Variants in CTNNBL1 observed in about 807,000 individuals in gnomAD.
CTNNBL1 encodes catenin beta like 1.
A neutral mutation model predicts 72.7 loss-of-function variants in CTNNBL1; 31 were observed. The observed-to-expected ratio is 0.43, with a 90% CI of 0.32 to 0.58. The LOEUF is 0.58. CTNNBL1 is among the 20% of genes least tolerant of loss of function. The probability of loss-of-function intolerance (pLI) is 0.08; values close to 1 mark genes in which losing one functional copy is unlikely to be tolerated. For missense variants in CTNNBL1, 534 were observed against 725.1 expected, an observed-to-expected ratio of 0.74 and a Z score of 3.03; for synonymous variants, 240 against 267.3, an observed-to-expected ratio of 0.90 and a Z score of 1.00.
chr20:37,858,577 G>A (rs563407369), intron 13 of CTNNBL1, among the ~76,000 whole-genome samples: 3 of 145,146 alleles, frequency 2.1e-5, no homozygotes, highest in Non-Finnish European at 4.5e-5. Context: ...CAGTGCCCAG[G>A]ATGAGGGGCG....
chr20:37,800,774 C>G (rs143494287), intron 10 of CTNNBL1, among the ~76,000 whole-genome samples: 1 of 152,312 alleles, frequency 6.6e-6, no homozygotes, highest in African/African-American at 2.4e-5. Context: ...TTTGATACAG[C>G]CCATGTTTCC....
intron 1 of CTNNBL1, among the ~76,000 whole-genome samples, chr20:37,708,014 T>A (rs1170228023): frequency 6.6e-6 from 1 of 152,150 alleles, no homozygotes; most frequent in Non-Finnish European, 1.5e-5. Context: ...CTGTCTCACG[T>A]GGGCGTGTTT....
At chr20:37,854,649 C>T (rs1436759520) in intron 13 of CTNNBL1, among the ~76,000 whole-genome samples, 1 of 151,030 alleles carries the variant, frequency 6.6e-6, no homozygotes, top group African/African-American at 2.4e-5. Context: ...AGTGCAGTGG[C>T]GTGATCTTGG....
chr20:37,866,589 T>G (rs879726404), intron 15 of CTNNBL1, among the ~76,000 whole-genome samples: 52 of 152,190 alleles, frequency 3.4e-4, no homozygotes, highest in Admixed American at 3.4e-3. Flanking sequence ...CTGTCTTTAT[T>G]GTTATAATTA....
chr20:37,861,083 G>C (rs893238078), intron 15 of CTNNBL1, among the ~76,000 whole-genome samples: 1 of 152,234 alleles, frequency 6.6e-6, no homozygotes, highest in East Asian at 1.9e-4. Context: ...GTGGTGGAGA[G>C]TATGCCTGCC....
intron 11 of CTNNBL1, among the ~76,000 whole-genome samples, chr20:37,807,609 G>C (rs777738714): frequency 3.5e-4 from 54 of 152,180 alleles, no homozygotes; most frequent in Non-Finnish European, 7.2e-4. Context: ...CTAAAGAGGG[G>C]AGTAAAAGCA....
At chr20:37,835,993 A>G (rs1600518411) in intron 11 of CTNNBL1, among the ~76,000 whole-genome samples, 1 of 152,254 alleles carries the variant, frequency 6.6e-6, no homozygotes, top group Admixed American at 6.5e-5. Flanking sequence ...ATATATTAGT[A>G]TAGATGCTCA....
chr20:37,744,376 T>G (rs981214315), intron 3 of CTNNBL1, among the ~76,000 whole-genome samples: 32 of 152,204 alleles, frequency 2.1e-4, no homozygotes, highest in African/African-American at 7.5e-4. Flanking sequence ...GAATTTATCC[T>G]AACACAGTAA....
At chr20:37,809,099 C>T (rs2071986388) in intron 11 of CTNNBL1, among the ~76,000 whole-genome samples, 1 of 152,092 alleles carries the variant, frequency 6.6e-6, no homozygotes, top group African/African-American at 2.4e-5. Context: ...CTCATGTCCT[C>T]TCAAAGTTAC....
intron 1 of CTNNBL1, among the ~76,000 whole-genome samples, chr20:37,698,230 A>T (rs1349132556): frequency 6.6e-6 from 1 of 152,242 alleles, no homozygotes; most frequent in Non-Finnish European, 1.5e-5. Context: ...AACAGGGCTG[A>T]AACCTCCTAA....
At chr20:37,825,209 C>T (rs575488313) in intron 11 of CTNNBL1, among the ~76,000 whole-genome samples, 3 of 150,142 alleles carry the variant, frequency 2.0e-5, no homozygotes, top group African/African-American at 4.9e-5. Context: ...AAAAATTAGT[C>T]GGGCATGGTG....
intron 1 of CTNNBL1, among the ~76,000 whole-genome samples, chr20:37,708,900 A>G (rs1297059825): frequency 6.6e-6 from 1 of 152,122 alleles, no homozygotes; most frequent in Non-Finnish European, 1.5e-5. Flanking sequence ...GCACTTTGGG[A>G]CGCCGAGGTG....
rs1328090371 is a variant in CTNNBL1 at position 37,837,113 on chromosome 20, C to T, written c.1214-2989C>T. ...TTGATTCTGTCCCTCATTCTTTCTG[C>T]CCCTAACCTTTTCTCGTTGGCATAC... On this transcript the variant is annotated intron_variant, in intron 11 of 15. Transcript: ENST00000361383. Among the ~76,000 whole-genome samples, 5 of 152,272 alleles carry T rather than the reference C, an allele frequency of 3.3e-5. No individual in the cohort carries two copies. The South Asian group carries it at 1.0e-3, about 32-fold the overall frequency.
chr20:37,802,715 A>T, intron 10 of CTNNBL1, 152 bp from the exon 11 acceptor site: 1 of 538,360 alleles, frequency 1.9e-6, no homozygotes, highest in East Asian at 2.9e-5. Context: ...GAATTTGTCC[A>T]CCCTATTGTA....
intron 1 of CTNNBL1, among the ~76,000 whole-genome samples, chr20:37,698,228 T>C (rs2072809591): frequency 6.6e-6 from 1 of 152,230 alleles, no homozygotes; most frequent in African/African-American, 2.4e-5. Context: ...GTAACAGGGC[T>C]GAAACCTCCT....
chr20:37,723,529 A>C (rs2073059400), intron 1 of CTNNBL1, among the ~76,000 whole-genome samples: 1 of 152,188 alleles, frequency 6.6e-6, no homozygotes, highest in Non-Finnish European at 1.5e-5. Context: ...CCTCCAGAAA[A>C]AAAGGTAGTA....
intron 1 of CTNNBL1, among the ~76,000 whole-genome samples, chr20:37,728,374 A>C (rs2073102780): frequency 6.6e-6 from 1 of 152,228 alleles, no homozygotes; most frequent in South Asian, 2.1e-4. Context: ...GTGGCTACTA[A>C]AAAATTTAAA....
chr20:37,763,551 G>C (rs2073437112), intron 5 of CTNNBL1, among the ~76,000 whole-genome samples: 1 of 152,246 alleles, frequency 6.6e-6, no homozygotes, highest in East Asian at 1.9e-4. Context: ...GCCTCACCCA[G>C]ACAGAGTAAA....
intron 4 of CTNNBL1, among the ~76,000 whole-genome samples, chr20:37,748,355 T>G (rs1295034584): frequency 1.3e-5 from 2 of 152,206 alleles, no homozygotes; most frequent in Admixed American, 1.3e-4. Flanking sequence ...CTCCCAGATT[T>G]ATGACTTTGT....
Sources: allele counts gnomAD v4.1 joint callset (sites outside exome capture counted in the v4.1 genomes callset), GRCh38; gene constraint gnomAD v4.1.1; transcripts MANE v1.5; gene names NCBI Gene and HGNC (gene_info 2026-07-23, HGNC 2026-07-21).